PDZD9: variants seen among roughly 807,000 people sequenced by gnomAD.
PDZD9 encodes the protein PDZ domain-containing protein 9.
PDZD9 carries 13 observed loss-of-function variants against 16.3 expected under a neutral mutation model. That is an observed-to-expected ratio of 0.80 (90% confidence interval 0.52 to 1.27). PDZD9 has a LOEUF of 1.27. Among genes scored for constraint, PDZD9 ranks in the 50% most tolerant of loss-of-function variants. The pLI is 0.00. For missense variants in PDZD9, 288 were observed against 310.9 expected (o/e 0.93, Z 0.55); for synonymous variants, 120 against 111.0 (o/e 1.08, Z -0.51).
At position 21,996,334 on chromosome 16, in the gene PDZD9, T is replaced by C. The variant is rs1899148072; in HGVS notation, c.199A>G (p.Lys67Glu). The C allele has an allele frequency of 2.0e-6, 3 of 1,535,424 alleles. No homozygotes were observed. Among genetic ancestry groups the C allele is most frequent in the Middle Eastern group, 1.8e-4 (1 of 5,696 alleles). Residue 67 changes from lysine to glutamate, a missense_variant, in exon 2 of 4, where the codon AAA (lysine) becomes GAA (glutamate). Transcript: ENST00000424898. ...AAAGGGCAATCACCTGGCTGGAGTTTCCCGTCGTTGGCTGCAGCCCCCTTC... is the reference window on the plus strand; with the variant it reads ...AAAGGGCAATCACCTGGCTGGAGTTCCCCGTCGTTGGCTGCAGCCCCCTTC... ...IRKGAAANDG[K>E]LQPGDVLISV... is the part of the protein sequence containing the mutation.
At chr16:21,977,639 A>C in the PDZD9 span, among the ~76,000 whole-genome samples, 3 of 152,232 alleles carry the variant, frequency 2.0e-5, no homozygotes, top group African/African-American at 4.8e-5. Context: ...ACTTGGGACA[A>C]AGTTGGAAAT....
the PDZD9 span, among the ~76,000 whole-genome samples, chr16:21,966,988 G>A: frequency 6.6e-6 from 1 of 152,102 alleles, no homozygotes; most frequent in Non-Finnish European, 1.5e-5. Flanking sequence ...GCAATTTATG[G>A]ATTAGGACAT....
Position 21,996,581 on chromosome 16 carries a change from A to G in PDZD9, c.32-80T>C, listed in dbSNP as rs1015297441. 6.3e-5 allele frequency: 81 copies of G among 1,288,156 alleles called. No individual in the cohort carries two copies. The Admixed American group carries it at 1.4e-3, about 23-fold the overall frequency. 79.8% of individuals were successfully genotyped at this position (1,288,156 alleles called of 1,614,324 possible). ...ATACCTACTGGGGTTCTGAAGCCAG[A>G]TCCCTGGGACAGTTATTTAATCCCT... On this transcript the variant is annotated intron_variant, in intron 1 of 3. Transcript: ENST00000424898.
the PDZD9 span, chr16:21,976,911 G>T: frequency 6.6e-6 from 1 of 152,096 alleles, no homozygotes; most frequent in African/African-American, 2.4e-5. Context: ...AAATACACTT[G>T]TGCATTTTCT....
chr16:21,970,369 T>C, the PDZD9 span, among the ~76,000 whole-genome samples: 1 of 152,226 alleles, frequency 6.6e-6, no homozygotes, highest in African/African-American at 2.4e-5. Flanking sequence ...ACTGCCAGAC[T>C]GTTTTCCAAA....
chr16:21,972,876 C>T, the PDZD9 span, among the ~76,000 whole-genome samples: 5 of 152,112 alleles, frequency 3.3e-5, no homozygotes, highest in African/African-American at 7.2e-5. Context: ...CCAAGTTGGG[C>T]GGATCACAAG....
At chr16:21,963,183 T>C in the PDZD9 span, 1 of 205,430 alleles carries the variant, frequency 4.9e-6, no homozygotes, top group African/African-American at 2.3e-5. Flanking sequence ...AGAAACAGGG[T>C]TTTGCCATGT....
the PDZD9 span, chr16:21,963,097 T>A: frequency 4.7e-6 from 2 of 427,270 alleles, no homozygotes; most frequent in Admixed American, 3.9e-5. Flanking sequence ...CAAGCAATTC[T>A]CCTGCCTCAG....
At chr16:21,999,325 C>A (rs1011192345) in intron 1 of PDZD9, 6 of 220,260 alleles carry the variant, frequency 2.7e-5, no homozygotes, top group Admixed American at 2.1e-4. Flanking sequence ...TTCAATGCTT[C>A]CTCCCTGGAA....
chr16:21,960,327 G>A, the PDZD9 span, among the ~76,000 whole-genome samples: 94 of 152,274 alleles, frequency 6.2e-4, no homozygotes, highest in Non-Finnish European at 1.0e-3. Flanking sequence ...TAAAGCTCAT[G>A]AACTAACCAC....
chr16:21,978,533 CATACCCT>C, the PDZD9 span, among the ~76,000 whole-genome samples: 6 of 152,182 alleles, frequency 3.9e-5, no homozygotes, highest in Non-Finnish European at 5.9e-5. Context: ...CCTTTTCCAT[CATACCCT>C]ATGCTCACAG....
At chr16:21,973,505 A>G in the PDZD9 span, among the ~76,000 whole-genome samples, 1 of 152,162 alleles carries the variant, frequency 6.6e-6, no homozygotes, top group African/African-American at 2.4e-5. Flanking sequence ...AGAGAAATGA[A>G]AGTAAATTGG....
intron 2 of PDZD9, among the ~76,000 whole-genome samples, chr16:21,993,250 C>T (rs1443761845): frequency 1.3e-5 from 2 of 152,120 alleles, no homozygotes; most frequent in African/African-American, 4.8e-5. Context: ...ATAGCCGTGC[C>T]ATGAGATTCT....
At chr16:21,975,223 T>G in the PDZD9 span, among the ~76,000 whole-genome samples, 12 of 152,142 alleles carry the variant, frequency 7.9e-5, no homozygotes, top group African/African-American at 2.9e-4. Flanking sequence ...AAAGGATGAT[T>G]CAGGGATCTA....
At chr16:21,980,439 C>G, downstream of PDZD9, 1 of 1,182,110 alleles carries the variant, frequency 8.5e-7, no homozygotes, top group Non-Finnish European at 1.2e-6. Flanking sequence ...CACGCTGTTA[C>G]TCTATCCATT....
At position 21,996,371 on chromosome 16, in the gene PDZD9, G is replaced by C. The variant is rs1054612607; in HGVS notation, c.162C>G (p.Thr54=). The stretch of plus-strand genomic sequence containing the variant: ...CTGCAGCCCCCTTCCTGATGAGGTG[G>C]GTGATCTGGAGGTAGGGTCCATGCT... ...IIQHGPYLQI[T]HLIRKGAAAN... The change falls in exon 2 of 4, where the codon ACC becomes ACG. Residue 54 remains threonine, a synonymous_variant. Coordinates refer to ENST00000424898, the MANE Select transcript of PDZD9 (RefSeq NM_001363519.1). 8.5e-6 allele frequency: 13 copies of C among 1,536,084 alleles called. No individual in the cohort carries two copies. Among genetic ancestry groups the C allele is most frequent in the Non-Finnish European group, 9.6e-6 (11 of 1,146,876 alleles).
the PDZD9 span, chr16:21,976,938 C>T: frequency 6.6e-6 from 1 of 152,090 alleles, no homozygotes; most frequent in Non-Finnish European, 1.5e-5. Context: ...ATAAAGATAT[C>T]TTTGGGCTTA....
intron 2 of PDZD9, 132 bp downstream of exon 2, chr16:21,996,190 T>C: frequency 8.7e-7 from 1 of 1,146,376 alleles, no homozygotes; most frequent in Non-Finnish European, 1.2e-6. Flanking sequence ...CCTCCCAAAG[T>C]GCTGGGATTA....
At chr16:21,997,759 G>T (rs935168746) in intron 1 of PDZD9, among the ~76,000 whole-genome samples, 3 of 152,308 alleles carry the variant, frequency 2.0e-5, no homozygotes, top group East Asian at 1.9e-4. Flanking sequence ...AGAGGAAGTT[G>T]CTAGGAAACT....
Sources: gnomAD v4.1 joint callset for allele counts (sites outside exome capture counted in the v4.1 genomes callset) on GRCh38, gnomAD v4.1.1 for gene constraint, MANE v1.5 for transcripts, NCBI Gene and HGNC (gene_info 2026-07-23, HGNC 2026-07-21) for gene names.